CACNA1C: variants seen among roughly 807,000 people sequenced by gnomAD.
CACNA1C encodes the protein calcium voltage-gated channel subunit alpha1 C.
In CACNA1C, 30 loss-of-function variants were observed where a neutral mutation model predicts 229.0. The ratio of observed to expected loss-of-function variants is 0.13; its 90% CI spans 0.10 to 0.18. The LOEUF (loss-of-function observed/expected upper bound fraction) is 0.18. Among genes scored for constraint, CACNA1C ranks in the 10% least tolerant of loss-of-function variants. CACNA1C has a pLI of 1.00. For synonymous variants in CACNA1C, 1,114 were observed against 1,132.5 expected (o/e 0.98, Z 0.33); for missense variants, 1,658 against 2,845.0 (o/e 0.58, Z 9.49).
intron 3 of CACNA1C, among the ~76,000 whole-genome samples, chr12:2,184,800 A>C (rs530743576): frequency 1.3e-5 from 2 of 152,198 alleles, no homozygotes; most frequent in Non-Finnish European, 2.9e-5. Context: ...TTGCTTTCCA[A>C]CCCTGCTCAG....
chr12:2,139,507 C>G (rs79854345), intron 3 of CACNA1C, among the ~76,000 whole-genome samples: 1 of 151,238 alleles, frequency 6.6e-6, no homozygotes, highest in South Asian at 2.1e-4. Flanking sequence ...TGGGGCCTTG[C>G]GCATGTCTGT....
intron 1 of CACNA1C, among the ~76,000 whole-genome samples, chr12:2,107,812 T>G (rs926427989): frequency 1.3e-5 from 2 of 152,182 alleles, no homozygotes; most frequent in South Asian, 4.1e-4. Context: ...TTAAAAAGTT[T>G]TCCCACAATT....
At chr12:2,593,621 G>A (rs943336149) in intron 19 of CACNA1C, among the ~76,000 whole-genome samples, 6 of 152,208 alleles carry the variant, frequency 3.9e-5, no homozygotes, top group Admixed American at 3.9e-4. Flanking sequence ...TTAACAAAAT[G>A]TGATGTTAAA....
chr12:2,394,898 G>T (rs1384782154), intron 3 of CACNA1C, among the ~76,000 whole-genome samples: 1 of 152,208 alleles, frequency 6.6e-6, no homozygotes, highest in Non-Finnish European at 1.5e-5. Context: ...CCAGTGTAAG[G>T]CTAGACTTAA....
At chr12:2,270,930 G>T (rs1160827821) in intron 3 of CACNA1C, among the ~76,000 whole-genome samples, 5 of 152,208 alleles carry the variant, frequency 3.3e-5, no homozygotes, top group African/African-American at 1.2e-4. Flanking sequence ...AAGTAAGCAT[G>T]AAAGGGGAGA....
At position 2,688,563 on chromosome 12, in the gene CACNA1C, G is replaced by A; in HGVS notation, c.5901G>A (p.Gln1967=). Reference sequence around the variant, plus strand: ...CTGGCAGCCGAGGCTGGCCCCCACAGCCCGTCCCCACCCTGCGGCTTGAGG... The same window carrying A: ...CTGGCAGCCGAGGCTGGCCCCCACAACCCGTCCCCACCCTGCGGCTTGAGG... ...ATPGSRGWPP[Q]PVPTLRLEGV... The change falls in exon 46 of 47, where the codon CAG becomes CAA. Residue 1967 remains glutamine, a synonymous_variant. Transcript: ENST00000399655. 1 of 1,613,952 alleles carries A rather than the reference G, an allele frequency of 6.2e-7. No individual in the cohort carries two copies. Among genetic ancestry groups the A allele is most frequent in the Non-Finnish European group, 8.5e-7 (1 of 1,179,876 alleles).
At chr12:2,437,163 G>T (rs1215165344) in intron 3 of CACNA1C, among the ~76,000 whole-genome samples, 1 of 152,254 alleles carries the variant, frequency 6.6e-6, no homozygotes, top group African/African-American at 2.4e-5. Flanking sequence ...CTTTAGCTGG[G>T]TTACACCAGT....
chr12:2,281,701 T>C (rs771781942), intron 3 of CACNA1C, among the ~76,000 whole-genome samples: 9 of 152,224 alleles, frequency 5.9e-5, no homozygotes, highest in Admixed American at 3.9e-4. Context: ...TGGCTACTTC[T>C]AACATTTTCT....
At position 2,067,827 on chromosome 12, in the gene CACNA1C, T is replaced by C. The variant is rs926435317; in HGVS notation, c.49+14216T>C. ...TCAGCGCACTCACCTGGAGAATACTTACCTTCACACTGTTCCCACCCCTGT... is the reference window on the plus strand; with the variant it reads ...TCAGCGCACTCACCTGGAGAATACTCACCTTCACACTGTTCCCACCCCTGT... On this transcript the variant is annotated intron_variant, in intron 1 of 46. Coordinates refer to ENST00000399655, the MANE Select transcript of CACNA1C (RefSeq NM_000719.7). The surrounding 1 kb of genome is among the most constrained non-coding windows in gnomAD (Gnocchi z 5.3). Among the ~76,000 whole-genome samples, 1 of 152,154 alleles carries C rather than the reference T, an allele frequency of 6.6e-6. No individual in the cohort carries two copies. Among genetic ancestry groups the C allele is most frequent in the Non-Finnish European group, 1.5e-5 (1 of 68,030 alleles).
chr12:2,050,532 A>C (rs1208146910), upstream of CACNA1C, among the ~76,000 whole-genome samples: 2 of 152,226 alleles, frequency 1.3e-5, no homozygotes, highest in Non-Finnish European at 2.9e-5. Flanking sequence ...TATTCATTTA[A>C]ACAAATTATC....
In CACNA1C at chr12:2,566,754, A is replaced by G. The variant is rs1301353202; in HGVS notation, c.1669+172A>G. On this transcript the variant is annotated intron_variant, in intron 12 of 46. Coordinates refer to ENST00000399655, the MANE Select transcript of CACNA1C (RefSeq NM_000719.7). The surrounding 1 kb of genome is among the most constrained non-coding windows in gnomAD (Gnocchi z 4.0). ...GGCCTGGCAGTTCCAAAGCCCCACAATAAAATGCGCTACCTTGTTAAAAAC... is the reference window on the plus strand; with the variant it reads ...GGCCTGGCAGTTCCAAAGCCCCACAGTAAAATGCGCTACCTTGTTAAAAAC... Among the ~76,000 whole-genome samples, 3 of 152,170 alleles carry G rather than the reference A, an allele frequency of 2.0e-5. No homozygotes were observed. The highest frequency in any genetic ancestry group is 3.2e-3 in the Middle Eastern group (1 of 316).
At chr12:2,199,037 A>G (rs1598850815) in intron 3 of CACNA1C, among the ~76,000 whole-genome samples, 1 of 152,198 alleles carries the variant, frequency 6.6e-6, no homozygotes, top group South Asian at 2.1e-4. Context: ...GAGTGGCTCC[A>G]AGTCATTTGA....
intron 8 of CACNA1C, among the ~76,000 whole-genome samples, chr12:2,506,593 G>T (rs939920052): frequency 7.2e-5 from 11 of 152,286 alleles, no homozygotes; most frequent in African/African-American, 1.9e-4. Context: ...GTTATAACTA[G>T]AAGTATAGAA....
At chr12:2,047,625 C>T (rs934790220) in intron 1 of CACNA1C, among the ~76,000 whole-genome samples, 4 of 152,166 alleles carry the variant, frequency 2.6e-5, no homozygotes, top group African/African-American at 9.7e-5. Flanking sequence ...CAACTATGTG[C>T]CAGGCACTAT....
intron 3 of CACNA1C, among the ~76,000 whole-genome samples, chr12:2,371,417 G>A (rs2097860317): frequency 6.6e-6 from 1 of 152,162 alleles, no homozygotes; most frequent in South Asian, 2.1e-4. Flanking sequence ...AGACTCCTTT[G>A]GCCATTGGTT....
At position 2,610,755 on chromosome 12, in the gene CACNA1C, A is replaced by T. The variant is rs1254604944; in HGVS notation, c.3717+56A>T. The T allele has an allele frequency of 1.9e-6, 3 of 1,585,704 alleles. No homozygotes were observed. In the East Asian group the frequency reaches 6.7e-5, roughly 36 times the overall value. Reference sequence around the variant, plus strand: ...CTGCAGAAGGGAGTGTGCCATGGGGATGGAAAGTGTAACGGAGCGGCAGGC... The same window carrying T: ...CTGCAGAAGGGAGTGTGCCATGGGGTTGGAAAGTGTAACGGAGCGGCAGGC... On this transcript the variant is annotated intron_variant, in intron 28 of 46. Transcript: ENST00000399655.
At chr12:2,397,801 C>G (rs769760972) in intron 3 of CACNA1C, among the ~76,000 whole-genome samples, 2 of 152,256 alleles carry the variant, frequency 1.3e-5, no homozygotes, top group Non-Finnish European at 2.9e-5. Context: ...ACTGCTCTGT[C>G]AGAGCCTCTG....
chr12:2,194,961 A>G (rs556688404), intron 3 of CACNA1C, among the ~76,000 whole-genome samples: 1 of 152,352 alleles, frequency 6.6e-6, no homozygotes, highest in African/African-American at 2.4e-5. Flanking sequence ...ACTGACTAGG[A>G]TGTCTTTTTG....
chr12:2,442,798 GAA>G (rs1258713819), intron 3 of CACNA1C, among the ~76,000 whole-genome samples: 1 of 152,190 alleles, frequency 6.6e-6, no homozygotes, highest in African/African-American at 2.4e-5. Context: ...GCAAGAGAGA[GAA>G]TGGAGCAGGG....
Sources: gnomAD v4.1 joint callset for allele counts (sites outside exome capture counted in the v4.1 genomes callset) on GRCh38, gnomAD v4.1.1 for gene constraint, Gnocchi (gnomAD v3.1) non-coding constraint, MANE v1.5 for transcripts, NCBI Gene and HGNC (gene_info 2026-07-23, HGNC 2026-07-21) for gene names.